GET4: variants seen among roughly 807,000 people sequenced by gnomAD.
GET4 encodes the protein guided entry of tail-anchored proteins factor 4, also known as Golgi to ER traffic protein 4 homolog.
GET4 carries 20 observed loss-of-function variants against 40.0 expected under a neutral mutation model. The observed-to-expected ratio is 0.50, with a 90% CI of 0.35 to 0.73. The LOEUF (loss-of-function observed/expected upper bound fraction) is 0.73, where lower values mean the gene tolerates loss of function less well. Among genes scored for constraint, GET4 ranks in the 30% least tolerant of loss-of-function variants. GET4 has a pLI of 0.01. For synonymous variants in GET4, 280 were observed against 194.6 expected (o/e 1.44, Z -3.65); for missense variants, 557 against 454.0 (o/e 1.23, Z -2.06).
At chr7:891,595 C>T (rs1277373045) in intron 5 of GET4, among the ~76,000 whole-genome samples, 1 of 152,256 alleles carries the variant, frequency 6.6e-6, no homozygotes, top group Non-Finnish European at 1.5e-5. Flanking sequence ...GCTCCAGGGG[C>T]TGGCCTTCGC....
chr7:876,948 A>C (rs1193612887), intron 1 of GET4, 148 bp downstream of exon 1: 1 of 251,014 alleles, frequency 4.0e-6, no homozygotes, highest in African/African-American at 2.3e-5. Context: ...CGCCCGGCGG[A>C]GGGTCTGGGC....
chr7:879,700 GT>G (rs1844045277), intron 1 of GET4: 1 of 152,220 alleles, frequency 6.6e-6, no homozygotes, highest in Non-Finnish European at 1.5e-5. Context: ...AAACTGAGCT[GT>G]TTAATTGGTT....
In GET4 at chr7:886,690, G is replaced by A. The variant is rs368958190; in HGVS notation, c.316+40G>A. 1.2e-5 allele frequency: 16 copies of A among 1,359,158 alleles called. No homozygotes were observed. In the South Asian group the frequency reaches 1.3e-4, roughly 11 times the overall value. The allele number at this position is 1,359,158 out of a possible 1,614,324, so 84.2% of individuals were successfully genotyped here. A position where few individuals can be genotyped will look rare whatever the true frequency, so the allele number is the denominator to read the frequency against. On this transcript the variant is annotated intron_variant, in intron 3 of 8. Transcript: ENST00000265857. ...CTTCACCCCGGGACCCTGTGACAGC[G>A]GCCCCAGTACGCCCCTCCCCGGGTC... is the stretch of plus-strand genomic sequence containing the variant.
chr7:895,585 GGCTGCTGCTCACTGT>G lies in GET4; in HGVS notation c.*171_*185del, dbSNP rs879014734. ...TCTGTGCGGCGGCTCAGGGTGGCGC[GGCTGCTGCTCACTGT>G]GCTGCTGGGACCCAAGAGTGGGGCG... On this transcript the variant is annotated 3_prime_UTR_variant, in exon 9 of 9. Transcript: ENST00000265857. 6.4e-5 allele frequency: 32 copies of G among 497,060 alleles called. No homozygotes were observed. The highest frequency in any genetic ancestry group is 5.6e-4 in the South Asian group (21 of 37,260). The allele number at this position is 497,060 out of a possible 1,614,324, so 30.8% of individuals were successfully genotyped here. A position where few individuals can be genotyped will look rare whatever the true frequency, so the allele number is the denominator to read the frequency against.
intron 1 of GET4, chr7:884,074 C>T: frequency 2.3e-5 from 27 of 1,190,860 alleles, no homozygotes; most frequent in Non-Finnish European, 2.9e-5. Context: ...GGGTCACTGC[C>T]TTCCAGGGAG....
At chr7:877,329 CCT>C (rs1843980233) in intron 1 of GET4, among the ~76,000 whole-genome samples, 1 of 132,986 alleles carries the variant, frequency 7.5e-6, no homozygotes, top group South Asian at 2.7e-4. Flanking sequence ...CTGGCCTCCC[CCT>C]GCCCCTCGTC....
chr7:887,873 G>A (rs1327969939), intron 4 of GET4, among the ~76,000 whole-genome samples: 1 of 152,104 alleles, frequency 6.6e-6, no homozygotes, highest in African/African-American at 2.4e-5. Flanking sequence ...TCTCCTTTAC[G>A]CTGACCTCAT....
In GET4 at chr7:885,890, C is replaced by T; in HGVS notation, c.156-166C>T. The T allele has an allele frequency of 4.9e-6, 3 of 616,740 alleles. No homozygotes were observed. In the South Asian group the frequency reaches 5.6e-5, roughly 12 times the overall value. 38.2% of individuals were successfully genotyped at this position (616,740 alleles called of 1,614,324 possible). ...TGCAGCCCTCATGGTCAGCAGGACACCCAGGATAGACCCCCTCCACGCAGC... is the reference window on the plus strand; with the variant it reads ...TGCAGCCCTCATGGTCAGCAGGACATCCAGGATAGACCCCCTCCACGCAGC... On this transcript the variant is annotated intron_variant, in intron 1 of 8. Transcript: ENST00000265857.
chr7:894,581 C>T (rs1050896111), intron 8 of GET4, among the ~76,000 whole-genome samples: 5 of 152,152 alleles, frequency 3.3e-5, no homozygotes, highest in South Asian at 4.1e-4. Flanking sequence ...CCTCACCGTG[C>T]CCCGTGACAC....
rs113923013 is a variant in GET4 at position 886,731 on chromosome 7, G to A, written c.316+81G>A. 1.3e-3 allele frequency: 1,213 copies of A among 932,134 alleles called. 5 individuals carry two copies. The highest frequency in any genetic ancestry group is 0.013 in the African/African-American group (786 of 62,090). 57.7% of individuals were successfully genotyped at this position (932,134 alleles called of 1,614,324 possible). A position where few individuals can be genotyped will look rare whatever the true frequency, so the allele number is the denominator to read the frequency against. ...TCCCCGGGTCTCTGCGCTGTGTTTC[G>A]TGTCTGCGTTTGGGGGTCTTGTGTG... On this transcript the variant is annotated intron_variant, in intron 3 of 8. Coordinates refer to ENST00000265857, the MANE Select transcript of GET4 (RefSeq NM_015949.3).
chr7:889,633 G>A (rs1013561631), intron 4 of GET4, among the ~76,000 whole-genome samples: 2 of 152,122 alleles, frequency 1.3e-5, no homozygotes, highest in Non-Finnish European at 2.9e-5. Context: ...GGCATGCATG[G>A]GGCCTGGGAG....
intron 1 of GET4, among the ~76,000 whole-genome samples, chr7:877,697 C>T: frequency 8.1e-6 from 1 of 123,048 alleles, no homozygotes; most frequent in African/African-American, 3.3e-5. Flanking sequence ...TGTCCCAGAT[C>T]TCCCTGCCCG....
intron 1 of GET4, among the ~76,000 whole-genome samples, chr7:877,037 C>T (rs1245281678): frequency 6.6e-6 from 1 of 151,646 alleles, no homozygotes; most frequent in Admixed American, 6.6e-5. Flanking sequence ...GCTTCCTTCC[C>T]CTCTCCTGCG....
intron 3 of GET4, chr7:887,155 C>T (rs761498103): frequency 1.6e-5 from 11 of 703,358 alleles, no homozygotes; most frequent in South Asian, 3.0e-5. Flanking sequence ...TCGGCCAGGG[C>T]GTCCGTCCTT....
chr7:895,289 T>C (rs1017382247), intron 8 of GET4, 45 bp from the exon 9 acceptor site: 3 of 951,000 alleles, frequency 3.2e-6, no homozygotes, highest in Non-Finnish European at 5.0e-6. Context: ...TGGGGGCCTG[T>C]GGGAGGCTGC....
intron 1 of GET4, among the ~76,000 whole-genome samples, chr7:879,639 C>G (rs1844043664): frequency 6.6e-6 from 1 of 152,194 alleles, no homozygotes; most frequent in African/African-American, 2.4e-5. Context: ...TACACACCAG[C>G]CAGGCTACAT....
intron 1 of GET4, 141 bp from the exon 2 acceptor site, chr7:885,915 C>A: frequency 1.5e-6 from 1 of 668,068 alleles, no homozygotes; most frequent in South Asian, 1.7e-5. Flanking sequence ...CTCCACGCAG[C>A]ACCTGGGCCC....
At chr7:887,691 C>A (rs1253445413) in intron 4 of GET4, among the ~76,000 whole-genome samples, 172 bp downstream of exon 4, 2 of 152,240 alleles carry the variant, frequency 1.3e-5, no homozygotes, top group African/African-American at 4.8e-5. Flanking sequence ...GGGATCAGAG[C>A]CACTGCACCC....
At chr7:879,034 G>C (rs929293870) in intron 1 of GET4, among the ~76,000 whole-genome samples, 3 of 152,180 alleles carry the variant, frequency 2.0e-5, no homozygotes, top group African/African-American at 7.2e-5. Context: ...TGCATGCCTG[G>C]TGTGTGGGGG....
Sources: gnomAD v4.1 joint callset for allele counts (sites outside exome capture counted in the v4.1 genomes callset) on GRCh38, gnomAD v4.1.1 for gene constraint, MANE v1.5 for transcripts, NCBI Gene and HGNC (gene_info 2026-07-23, HGNC 2026-07-21) for gene names.